Variants in ADAMTS16 observed in about 807,000 individuals in gnomAD.
ADAMTS16 encodes the protein A disintegrin and metalloproteinase with thrombospondin motifs 16.
In ADAMTS16, 94 loss-of-function variants were observed where a neutral mutation model predicts 145.8. That is an observed-to-expected ratio of 0.64 (90% CI 0.55 to 0.77). The LOEUF (loss-of-function observed/expected upper bound fraction) is 0.77, where lower values mean the gene tolerates loss of function less well. Ranked by LOEUF, ADAMTS16 falls within the 30% of genes least tolerant of loss-of-function variation. The probability of loss-of-function intolerance (pLI) is 0.00; values close to 1 mark genes in which losing one functional copy is unlikely to be tolerated. For synonymous variants in ADAMTS16, 659 were observed against 604.3 expected, an observed-to-expected ratio of 1.09 and a Z score of -1.33; for missense variants, 1,585 against 1,591.5, an observed-to-expected ratio of 1.00 and a Z score of 0.07.
chr5:5,204,194 G>A (rs1002364543), intron 9 of ADAMTS16, among the ~76,000 whole-genome samples: 7 of 152,166 alleles, frequency 4.6e-5, no homozygotes, highest in Admixed American at 4.6e-4. Context: ...ACTGAAAAAT[G>A]ATGGGATATA....
At chr5:5,203,050 T>G (rs976538322) in intron 9 of ADAMTS16, among the ~76,000 whole-genome samples, 4 of 152,214 alleles carry the variant, frequency 2.6e-5, no homozygotes, top group Non-Finnish European at 5.9e-5. Flanking sequence ...GCTGATGTGT[T>G]TTTGTGTGCA....
intron 13 of ADAMTS16, among the ~76,000 whole-genome samples, chr5:5,235,779 A>C (rs2964436): frequency 0.84 from 127,286 of 152,110 alleles, 54,967 homozygotes; most frequent in South Asian, 0.95. Flanking sequence ...GGAGAAATTC[A>C]AAGAAAACCT....
chr5:5,286,223 T>C (rs1739094886), intron 18 of ADAMTS16, among the ~76,000 whole-genome samples: 1 of 152,176 alleles, frequency 6.6e-6, no homozygotes, highest in African/African-American at 2.4e-5. Flanking sequence ...AAATCTAAAA[T>C]AGAGTATTTT....
intron 10 of ADAMTS16, among the ~76,000 whole-genome samples, chr5:5,219,223 C>T (rs573065781): frequency 6.6e-6 from 1 of 152,196 alleles, no homozygotes; most frequent in South Asian, 2.1e-4. Flanking sequence ...AAATGTTCAT[C>T]ATTTATTTGT....
At chr5:5,197,169 C>T (rs1249487014) in intron 8 of ADAMTS16, among the ~76,000 whole-genome samples, 2 of 152,216 alleles carry the variant, frequency 1.3e-5, no homozygotes, top group Non-Finnish European at 2.9e-5. Context: ...TGTCTCATGT[C>T]CTTAACCACT....
intron 10 of ADAMTS16, among the ~76,000 whole-genome samples, chr5:5,211,343 A>AT (rs1381566042): frequency 6.6e-6 from 1 of 152,112 alleles, no homozygotes; most frequent in Non-Finnish European, 1.5e-5. Flanking sequence ...TAAAGGAGAT[A>AT]TTTTTTCAAT....
chr5:5,283,567 G>C (rs1739000845), intron 18 of ADAMTS16, among the ~76,000 whole-genome samples: 1 of 151,304 alleles, frequency 6.6e-6, no homozygotes, highest in Non-Finnish European at 1.5e-5. Context: ...GATTGGCCTT[G>C]TCCAGTCACA....
chr5:5,247,601 C>G (rs537692366), intron 17 of ADAMTS16, among the ~76,000 whole-genome samples: 1 of 152,308 alleles, frequency 6.6e-6, no homozygotes, highest in South Asian at 2.1e-4. Flanking sequence ...TCAGGGGTGC[C>G]GGGGTCCCTC....
Position 5,239,134 on chromosome 5 carries a change from C to G in ADAMTS16, c.2155-17C>G. On this transcript the variant is annotated splice_polypyrimidine_tract_variant and intron_variant, in intron 14 of 22. Transcript: ENST00000274181. ...CCTTTCTTTCATGAATGACATGTGACCTCATGGGCCCTCCAGAGAGTTGGA... is the reference window on the plus strand; with the variant it reads ...CCTTTCTTTCATGAATGACATGTGAGCTCATGGGCCCTCCAGAGAGTTGGA... 1 of 1,505,120 alleles carries G rather than the reference C, an allele frequency of 6.6e-7. No individual in the cohort carries two copies. Among genetic ancestry groups the G allele is most frequent in the Non-Finnish European group, 8.9e-7 (1 of 1,127,856 alleles). 93.2% of individuals were successfully genotyped at this position (1,505,120 alleles called of 1,614,324 possible).
intron 2 of ADAMTS16, among the ~76,000 whole-genome samples, chr5:5,142,900 C>T (rs1287975923): frequency 1.3e-5 from 2 of 152,014 alleles, no homozygotes; most frequent in Admixed American, 1.3e-4. Context: ...GAAATAACAC[C>T]ACGCATCTAC....
At chr5:5,292,841 T>C (rs889106680) in intron 18 of ADAMTS16, among the ~76,000 whole-genome samples, 2 of 152,236 alleles carry the variant, frequency 1.3e-5, no homozygotes, top group African/African-American at 2.4e-5. Flanking sequence ...TCCCTCTTCA[T>C]AGCCATTGTT....
chr5:5,303,790 G>A, intron 20 of ADAMTS16, 24 bp downstream of exon 20: 1 of 1,608,276 alleles, frequency 6.2e-7, no homozygotes, highest in Non-Finnish European at 8.5e-7. Context: ...TCTCGCGGGA[G>A]CGAGGTTGAC....
At position 5,303,330 on chromosome 5, in the gene ADAMTS16, C is replaced by A; in HGVS notation, c.2852C>A (p.Pro951His). 6.2e-7 allele frequency: 1 copy of A among 1,606,134 alleles called. No homozygotes were observed. Residue 951 changes from proline to histidine, a missense_variant, in exon 19 of 23, where the codon CCC becomes CAC. Coordinates refer to ENST00000274181, the MANE Select transcript of ADAMTS16 (RefSeq NM_139056.4). ...TGTGGCGGGGGTGCCCAGAGCCGCC[C>A]CGTGCAGTGCACACGGCGGGTGCAC... ...RTCGGGAQSR[P>H]VQCTRRVHYD...
intron 10 of ADAMTS16, among the ~76,000 whole-genome samples, chr5:5,217,284 G>A (rs1736464243): frequency 6.6e-6 from 1 of 151,856 alleles, no homozygotes; most frequent in Non-Finnish European, 1.5e-5. Context: ...TCAGGACATA[G>A]GCATGGGCAA....
chr5:5,305,162 CAT>C (rs1422609343), intron 20 of ADAMTS16, among the ~76,000 whole-genome samples: 13 of 42,458 alleles, frequency 3.1e-4, no homozygotes, highest in Admixed American at 7.7e-4. Flanking sequence ...CACACACACA[CAT>C]ATCCCACACC....
chr5:5,311,240 G>C (rs1740415244), intron 21 of ADAMTS16, among the ~76,000 whole-genome samples: 1 of 144,904 alleles, frequency 6.9e-6, no homozygotes, highest in African/African-American at 2.6e-5. Flanking sequence ...ATCAGCATCT[G>C]CCAAGTTCAA....
intron 16 of ADAMTS16, 117 bp from the exon 17 acceptor site, chr5:5,241,936 C>A: frequency 2.4e-6 from 3 of 1,233,752 alleles, no homozygotes; most frequent in Non-Finnish European, 3.4e-6. Context: ...TGTATTTTAT[C>A]ATCATAACAA....
chr5:5,228,163 T>C (rs1736822227), intron 11 of ADAMTS16, among the ~76,000 whole-genome samples: 1 of 152,246 alleles, frequency 6.6e-6, no homozygotes, highest in African/African-American at 2.4e-5. Flanking sequence ...ATGAAACATT[T>C]TGAATGTATC....
At chr5:5,165,326 T>C (rs894130425) in intron 3 of ADAMTS16, among the ~76,000 whole-genome samples, 1 of 152,220 alleles carries the variant, frequency 6.6e-6, no homozygotes, top group Admixed American at 6.5e-5. Flanking sequence ...CCACTGTGTT[T>C]ATCCATTCAC....
Sources: gnomAD v4.1 joint callset for allele counts (sites outside exome capture counted in the v4.1 genomes callset) on GRCh38, gnomAD v4.1.1 for gene constraint, MANE v1.5 for transcripts, NCBI Gene and HGNC (gene_info 2026-07-23, HGNC 2026-07-21) for gene names.